Variants in CHRM2 observed in about 807,000 individuals in gnomAD.
CHRM2 encodes muscarinic acetylcholine receptor M2.
Under a neutral mutation model 25.0 loss-of-function variants are expected in CHRM2, and 8 were observed. That is an observed-to-expected ratio of 0.32 (90% CI 0.19 to 0.58). The LOEUF (loss-of-function observed/expected upper bound fraction) is 0.58. Among genes scored for constraint, CHRM2 ranks in the 20% least tolerant of loss-of-function variants. The probability of loss-of-function intolerance (pLI) is 0.88; values close to 1 mark genes in which losing one functional copy is unlikely to be tolerated. For missense variants in CHRM2, 440 were observed against 567.1 expected (o/e 0.78, Z 2.28); for synonymous variants, 202 against 205.7 (o/e 0.98, Z 0.15).
At chr7:136,908,912 C>T (rs1029142676) in intron 2 of CHRM2, among the ~76,000 whole-genome samples, 14 of 151,894 alleles carry the variant, frequency 9.2e-5, no homozygotes, top group Admixed American at 5.9e-4. Context: ...TGCCTTACTA[C>T]GCACAGAATT....
chr7:136,941,086 A>G lies in CHRM2; in HGVS notation c.-124-51101A>G, dbSNP rs368499819. 6.6e-5 allele frequency among the ~76,000 whole-genome samples: 10 copies of G among 152,266 alleles called. No individual in the cohort carries two copies. In the South Asian group the frequency reaches 1.4e-3, roughly 22 times the overall value. ...GCTGAGGCCTGGGTTTACTGCATTA[A>G]CCTCTTATCTGAACTTCATACCACT... On this transcript the variant is annotated intron_variant, in intron 2 of 3. Coordinates refer to ENST00000680005, the MANE Select transcript of CHRM2 (RefSeq NM_001006630.2).
At chr7:136,945,037 T>C (rs1450058223) in intron 2 of CHRM2, among the ~76,000 whole-genome samples, 1 of 152,054 alleles carries the variant, frequency 6.6e-6, no homozygotes, top group Non-Finnish European at 1.5e-5. Flanking sequence ...CGTTGGCCAT[T>C]TGTGTATCTT....
chr7:136,958,448 C>CTTT (rs56127104), intron 2 of CHRM2, among the ~76,000 whole-genome samples: 119 of 91,120 alleles, frequency 1.3e-3, no homozygotes, highest in East Asian at 2.1e-3. Flanking sequence ...GCAGTGTCAT[C>CTTT]TTTTTTTTTT....
intron 2 of CHRM2, among the ~76,000 whole-genome samples, chr7:136,980,255 T>A (rs1302077424): frequency 6.6e-6 from 1 of 152,214 alleles, no homozygotes; most frequent in Non-Finnish European, 1.5e-5. Flanking sequence ...TTGTCTATTA[T>A]TTGTGTATAG....
intron 2 of CHRM2, among the ~76,000 whole-genome samples, chr7:136,964,251 A>T (rs983276549): frequency 6.6e-6 from 1 of 152,116 alleles, no homozygotes; most frequent in African/African-American, 2.4e-5. Context: ...TTTTAAATGA[A>T]AATTAATAAC....
At chr7:136,922,555 C>T (rs1798508515) in intron 2 of CHRM2, among the ~76,000 whole-genome samples, 1 of 152,196 alleles carries the variant, frequency 6.6e-6, no homozygotes, top group African/African-American at 2.4e-5. Flanking sequence ...TGTCTACACA[C>T]ATTTATCTAC....
chr7:136,948,524 TC>T (rs1252644326), intron 2 of CHRM2, among the ~76,000 whole-genome samples: 1 of 152,094 alleles, frequency 6.6e-6, no homozygotes, highest in Non-Finnish European at 1.5e-5. Context: ...GACATTTAAG[TC>T]AACCAAGCAC....
chr7:136,987,490 C>G (rs755631007), intron 2 of CHRM2, among the ~76,000 whole-genome samples: 9 of 152,220 alleles, frequency 5.9e-5, no homozygotes, highest in Non-Finnish European at 4.4e-5. Flanking sequence ...TGCCCAGTCT[C>G]CCTACTAGTC....
chr7:136,981,559 T>A (rs951933873), intron 2 of CHRM2, among the ~76,000 whole-genome samples: 1 of 152,232 alleles, frequency 6.6e-6, no homozygotes, highest in African/African-American at 2.4e-5. Flanking sequence ...CAATTTTAGA[T>A]CTTTCCTGCT....
intron 3 of CHRM2, among the ~76,000 whole-genome samples, chr7:136,998,080 T>C (rs1803723139): frequency 6.6e-6 from 1 of 152,212 alleles, no homozygotes; most frequent in South Asian, 2.1e-4. Context: ...TTCTCTAATA[T>C]ATGATCTCTT....
At chr7:136,976,445 A>ATAT (rs952371448) in intron 2 of CHRM2, among the ~76,000 whole-genome samples, 1 of 152,090 alleles carries the variant, frequency 6.6e-6, no homozygotes. Flanking sequence ...GATGTATGTA[A>ATAT]TATTATTATT....
chr7:136,916,145 C>T (rs368620584), intron 2 of CHRM2, among the ~76,000 whole-genome samples: 3 of 104,240 alleles, frequency 2.9e-5, no homozygotes, highest in East Asian at 4.1e-4. Flanking sequence ...TCTAACTTTC[C>T]TATATTTTGG....
chr7:136,927,736 C>G (rs1798831303), intron 2 of CHRM2, among the ~76,000 whole-genome samples: 1 of 152,018 alleles, frequency 6.6e-6, no homozygotes, highest in Admixed American at 6.6e-5. Context: ...CAATAGAATT[C>G]TATTTATTAG....
intron 2 of CHRM2, among the ~76,000 whole-genome samples, chr7:136,959,374 A>C (rs771784070): frequency 1.3e-5 from 2 of 152,332 alleles, no homozygotes; most frequent in South Asian, 4.1e-4. Flanking sequence ...GCGTTTATTG[A>C]GATAGGAGTG....
chr7:136,930,770 A>G (rs1012535331), intron 2 of CHRM2, among the ~76,000 whole-genome samples: 31 of 151,706 alleles, frequency 2.0e-4, no homozygotes, highest in African/African-American at 6.8e-4. Context: ...GGTGGCGGGC[A>G]CCTGTAGTCC....
chr7:136,904,173 A>G (rs1239908000), intron 2 of CHRM2, among the ~76,000 whole-genome samples: 4 of 151,902 alleles, frequency 2.6e-5, no homozygotes, highest in East Asian at 3.9e-4. Flanking sequence ...TATAAAACCA[A>G]TTGGTAGCTT....
intron 2 of CHRM2, chr7:136,938,642 G>C: frequency 1.2e-6 from 1 of 834,642 alleles, no homozygotes; most frequent in East Asian, 2.5e-5. Context: ...GCTCATGCGG[G>C]CACAGGGCCC....
chr7:136,945,568 T>C (rs536956068), intron 2 of CHRM2, among the ~76,000 whole-genome samples: 1 of 152,280 alleles, frequency 6.6e-6, no homozygotes, highest in African/African-American at 2.4e-5. Flanking sequence ...GGGTTCTCTA[T>C]TCTGTTCCAT....
At chr7:136,878,254 A>T (rs1388470642) in intron 2 of CHRM2, among the ~76,000 whole-genome samples, 3 of 151,988 alleles carry the variant, frequency 2.0e-5, no homozygotes, top group African/African-American at 7.2e-5. Flanking sequence ...AGATATGCCC[A>T]CTGTTTTCTT....
Sources: gnomAD v4.1 joint callset for allele counts (sites outside exome capture counted in the v4.1 genomes callset) on GRCh38, gnomAD v4.1.1 for gene constraint, MANE v1.5 for transcripts, NCBI Gene and HGNC (gene_info 2026-07-23, HGNC 2026-07-21) for gene names.